PCDHGA6: variants seen among roughly 807,000 people sequenced by gnomAD.
PCDHGA6 encodes protocadherin gamma-A6.
PCDHGA6 carries 41 observed loss-of-function variants against 60.6 expected under a neutral mutation model. The ratio of observed to expected loss-of-function variants is 0.68; its 90% CI spans 0.53 to 0.88. The LOEUF is 0.88. Ranked by LOEUF, PCDHGA6 falls within the 40% of genes least tolerant of loss-of-function variation. PCDHGA6 has a pLI of 0.00. For missense variants in PCDHGA6, 1,312 were observed against 1,203.0 expected (o/e 1.09, Z -1.34); for synonymous variants, 594 against 524.4 (o/e 1.13, Z -1.81).
rs372245447 is a variant in PCDHGA6, at chr5:141,489,609, C to T, written c.2425-5198C>T. ...AGCTAATCCGTGTAGAGGTAGAGAT[C>T]CTGGATCTCAATGACAACTCTCCTA... On this transcript the variant is annotated intron_variant, in intron 1 of 3. Coordinates refer to ENST00000517434, the MANE Select transcript of PCDHGA6 (RefSeq NM_018919.3). This position sits in a 1 kb window ranked among gnomAD's most constrained non-coding sequence, Gnocchi z 4.5. The T allele has an allele frequency of 1.9e-6, 3 of 1,613,934 alleles. No homozygotes were observed. The African/African-American group carries it at 4.0e-5, about 22-fold the overall frequency.
chr5:141,478,382 C>A (rs1287807889), intron 1 of PCDHGA6: 2 of 1,613,552 alleles, frequency 1.2e-6, no homozygotes, highest in South Asian at 2.2e-5. Flanking sequence ...GTCGCCGCAC[C>A]TTTACCATCA....
chr5:141,432,611 T>C lies in PCDHGA6; in HGVS notation c.2424+56104T>C, dbSNP rs141541670. On this transcript the variant is annotated intron_variant, in intron 1 of 3. Transcript: ENST00000517434. This position sits in a 1 kb window ranked among gnomAD's most constrained non-coding sequence, Gnocchi z 6.0. ...CAAGGCCAGCGAGCCGGGACTCTTC[T>C]CGGTGGGTCTGCACACGGGCGAGGT... The C allele has an allele frequency of 2.5e-6, 4 of 1,613,860 alleles. No homozygotes were observed. In the South Asian group the frequency reaches 4.4e-5, roughly 18 times the overall value.
At chr5:141,421,699 G>T (rs751572007) in intron 1 of PCDHGA6, 1 of 1,613,928 alleles carries the variant, frequency 6.2e-7, no homozygotes, top group Admixed American at 1.7e-5. Flanking sequence ...TCTTCCTAAT[G>T]CTAGGGATCC....
chr5:141,447,885 A>T (rs2098554278), intron 1 of PCDHGA6, among the ~76,000 whole-genome samples: 1 of 152,134 alleles, frequency 6.6e-6, no homozygotes, highest in Admixed American at 6.6e-5. Context: ...CAGGAGTTCG[A>T]GACCAGCCTG....
In PCDHGA6 at chr5:141,486,885, G is replaced by C. The variant is rs139638334; in HGVS notation, c.2425-7922G>C. 1.2e-6 allele frequency: 2 copies of C among 1,614,076 alleles called. No individual in the cohort carries two copies. Among genetic ancestry groups the C allele is most frequent in the East Asian group, 4.5e-5 (2 of 44,892 alleles). On this transcript the variant is annotated intron_variant, in intron 1 of 3. Coordinates refer to ENST00000517434, the MANE Select transcript of PCDHGA6 (RefSeq NM_018919.3). This position sits in a 1 kb window ranked among gnomAD's most constrained non-coding sequence, Gnocchi z 5.0. ...CCAGCTGTGCTCCGTCCTCGGGCCC[G>C]GCCTGGTTCCTTATGTCCCCAAGCA...
rs756371683 is a variant in PCDHGA6, at chr5:141,374,479, A to T, written c.396A>T (p.Arg132=). 1.2e-6 allele frequency: 2 copies of T among 1,611,840 alleles called. No homozygotes were observed. Among genetic ancestry groups the T allele is most frequent in the Non-Finnish European group, 1.7e-6 (2 of 1,178,066 alleles). Residue 132 remains arginine (R), a synonymous_variant, in exon 1 of 4, where the codon CGA becomes CGT. Coordinates refer to ENST00000517434, the MANE Select transcript of PCDHGA6 (RefSeq NM_018919.3). The stretch of plus-strand genomic sequence containing the variant: ...TGGACATTAATGACAATACACCCCG[A>T]TTCTTAAAGGAAGAATTGGAAGTGA... ...EIVDINDNTP[R]FLKEELEVKI... is the part of the protein sequence containing the mutation.
intron 1 of PCDHGA6, among the ~76,000 whole-genome samples, chr5:141,453,479 A>G (rs1345415084): frequency 1.3e-5 from 2 of 152,082 alleles, no homozygotes; most frequent in Non-Finnish European, 2.9e-5. Context: ...AGTCAAAACT[A>G]TTAAAAAAAG....
chr5:141,477,059 A>T lies in PCDHGA6; in HGVS notation c.2425-17748A>T. The T allele has an allele frequency of 6.2e-7, 1 of 1,614,238 alleles. No homozygotes were observed. Among genetic ancestry groups the T allele is most frequent in the Non-Finnish European group, 8.5e-7 (1 of 1,180,036 alleles). ...CAAGGGTCGGCTGGACTTCGAGGAC[A>T]CCAAACTCCATGAGATTTACATCCA... On this transcript the variant is annotated intron_variant, in intron 1 of 3. Transcript: ENST00000517434. The surrounding 1 kb of genome is among the most constrained non-coding windows in gnomAD (Gnocchi z 4.9).
Position 141,432,229 on chromosome 5 carries a change from C to T in PCDHGA6, c.2424+55722C>T, listed in dbSNP as rs1246285803. Reference sequence around the variant, plus strand: ...AAGAGAACGCCCAGATCACTTATTCCCTGGCTGAGAACACCATCCAAGGGG... The same window carrying T: ...AAGAGAACGCCCAGATCACTTATTCTCTGGCTGAGAACACCATCCAAGGGG... On this transcript the variant is annotated intron_variant, in intron 1 of 3. Coordinates refer to ENST00000517434, the MANE Select transcript of PCDHGA6 (RefSeq NM_018919.3). The surrounding 1 kb of genome is among the most constrained non-coding windows in gnomAD (Gnocchi z 6.0). The T allele has an allele frequency of 6.2e-7, 1 of 1,614,232 alleles. No homozygotes were observed.
At chr5:141,376,678 T>C in intron 1 of PCDHGA6, 171 bp downstream of exon 1, 2 of 277,706 alleles carry the variant, frequency 7.2e-6, no homozygotes, top group East Asian at 7.3e-5. Flanking sequence ...AGGGTATCGT[T>C]TTTTTTTTTT....
intron 1 of PCDHGA6, chr5:141,428,344 G>C (rs970552377): frequency 8.4e-6 from 5 of 596,498 alleles, no homozygotes; most frequent in Non-Finnish European, 1.5e-5. Context: ...CTTCTTCCTC[G>C]CAGTGATTTT....
chr5:141,457,495 T>C (rs2098922394), intron 1 of PCDHGA6, among the ~76,000 whole-genome samples: 1 of 152,204 alleles, frequency 6.6e-6, no homozygotes, highest in Admixed American at 6.5e-5. Context: ...GTCTAAAATG[T>C]AGGCAAAAAG....
chr5:141,388,861 T>C lies in PCDHGA6; in HGVS notation c.2424+12354T>C, dbSNP rs1487226750. 7 of 1,613,872 alleles carry C rather than the reference T, an allele frequency of 4.3e-6. No homozygotes were observed. The East Asian group carries it at 1.1e-4, about 26-fold the overall frequency. On this transcript the variant is annotated intron_variant, in intron 1 of 3. Transcript: ENST00000517434. ...GAAGCAAGGGACGGTGGAGGAATGATTGCGCAATGCACAGTGGAGGTAGAA... is the reference window on the plus strand; with the variant it reads ...GAAGCAAGGGACGGTGGAGGAATGACTGCGCAATGCACAGTGGAGGTAGAA...
intron 1 of PCDHGA6, chr5:141,415,947 C>G: frequency 1.9e-6 from 1 of 532,382 alleles, no homozygotes; most frequent in Non-Finnish European, 2.8e-6. Flanking sequence ...CCTGGGTGGT[C>G]ACATATTGAA....
rs563876979 is a variant in PCDHGA6, at chr5:141,417,900, G to A, written c.2424+41393G>A. 5 of 1,583,452 alleles carry A rather than the reference G, an allele frequency of 3.2e-6. No individual in the cohort carries two copies. Among genetic ancestry groups the A allele is most frequent in the South Asian group, 2.3e-5 (2 of 88,062 alleles). On this transcript the variant is annotated intron_variant, in intron 1 of 3. Coordinates refer to ENST00000517434, the MANE Select transcript of PCDHGA6 (RefSeq NM_018919.3). ...GCGCAGAGGCGCCGGGCCGGCCCGC[G>A]GCAGGTACTATTTCCTTTGCTGCTG...
At chr5:141,421,529 C>T in intron 1 of PCDHGA6, 1 of 1,614,020 alleles carries the variant, frequency 6.2e-7, no homozygotes, top group Non-Finnish European at 8.5e-7. Flanking sequence ...GAGACGGTGT[C>T]CTCCTGTTTT....
rs537985555 is a variant in PCDHGA6 at position 141,449,278 on chromosome 5, C to A, written c.2425-45529C>A. On this transcript the variant is annotated intron_variant, in intron 1 of 3. Coordinates refer to ENST00000517434, the MANE Select transcript of PCDHGA6 (RefSeq NM_018919.3). ...TGTACAAAGAACTGTATCTCCTTCA[C>A]CCGGATGCACCGGGTGAATTATATG... Among the ~76,000 whole-genome samples the A allele has an allele frequency of 4.6e-5, 7 of 152,166 alleles. No homozygotes were observed. In the South Asian group the frequency reaches 1.5e-3, roughly 32 times the overall value.
rs373516334 is a variant in PCDHGA6 at position 141,414,175 on chromosome 5, A to G, written c.2424+37668A>G. On this transcript the variant is annotated intron_variant, in intron 1 of 3. Transcript: ENST00000517434. ...AGAAGATGGAGGAGCATATCTTGCA[A>G]CTGCAAAAGTGTTGATTACAGTAGA... 1.6e-5 allele frequency: 25 copies of G among 1,607,698 alleles called. No homozygotes were observed. The highest frequency in any genetic ancestry group is 1.3e-4 in the South Asian group (12 of 90,242).
intron 3 of PCDHGA6, among the ~76,000 whole-genome samples, chr5:141,509,004 G>A (rs2099873761): frequency 6.6e-6 from 1 of 152,072 alleles, no homozygotes; most frequent in South Asian, 2.1e-4. Context: ...AGGAGAGGAG[G>A]AAGTGGGCAG....
Sources: allele counts gnomAD v4.1 joint callset (sites outside exome capture counted in the v4.1 genomes callset), GRCh38; gene constraint gnomAD v4.1.1; non-coding constraint Gnocchi (gnomAD v3.1); transcripts MANE v1.5; gene names NCBI Gene and HGNC (gene_info 2026-07-23, HGNC 2026-07-21).